Variants in SRBD1 observed in about 807,000 individuals in gnomAD.
The protein encoded by SRBD1 is S1 RNA binding domain 1.
Under a neutral mutation model 115.3 loss-of-function variants are expected in SRBD1, and 88 were observed. The observed-to-expected ratio is 0.76, with a 90% CI of 0.64 to 0.91. The LOEUF is 0.91. Among genes scored for constraint, SRBD1 ranks in the 40% least tolerant of loss-of-function variants. SRBD1 has a pLI of 0.00. For missense variants in SRBD1, 1,385 were observed against 1,177.4 expected, an observed-to-expected ratio of 1.18 and a Z score of -2.58; for synonymous variants, 509 against 407.7, an observed-to-expected ratio of 1.25 and a Z score of -2.99.
intron 14 of SRBD1, among the ~76,000 whole-genome samples, chr2:45,496,490 TA>T (rs1670463275): frequency 6.6e-6 from 1 of 151,640 alleles, no homozygotes; most frequent in Non-Finnish European, 1.5e-5. Context: ...TAATAATAAT[TA>T]AAAAGAGAAA....
intron 14 of SRBD1, among the ~76,000 whole-genome samples, chr2:45,505,842 T>C (rs1328601402): frequency 6.6e-6 from 1 of 152,224 alleles, no homozygotes; most frequent in African/African-American, 2.4e-5. Flanking sequence ...ACCTGATCTC[T>C]GGACTGTTAG....
At chr2:45,464,918 A>G (rs917020671) in intron 16 of SRBD1, among the ~76,000 whole-genome samples, 2 of 152,176 alleles carry the variant, frequency 1.3e-5, no homozygotes, top group African/African-American at 4.8e-5. Context: ...TTTTACCGAC[A>G]TCTTTAAACA....
intron 6 of SRBD1, among the ~76,000 whole-genome samples, chr2:45,581,272 T>C (rs1337020604): frequency 6.6e-6 from 1 of 152,140 alleles, no homozygotes; most frequent in Admixed American, 6.5e-5. Context: ...ACATCCTCCA[T>C]CCACACTTCA....
intron 14 of SRBD1, among the ~76,000 whole-genome samples, chr2:45,533,822 G>A (rs887043217): frequency 4.6e-5 from 7 of 152,104 alleles, no homozygotes; most frequent in Non-Finnish European, 1.0e-4. Flanking sequence ...GTCTAAACAG[G>A]ACATCTGTTT....
chr2:45,590,791 C>A (rs1350395321), intron 4 of SRBD1, among the ~76,000 whole-genome samples: 1 of 152,028 alleles, frequency 6.6e-6, no homozygotes, highest in Non-Finnish European at 1.5e-5. Context: ...CCGAGGCGTG[C>A]GGATAACCTG....
At chr2:45,531,295 G>C (rs1181417925) in intron 14 of SRBD1, among the ~76,000 whole-genome samples, 1 of 151,532 alleles carries the variant, frequency 6.6e-6, no homozygotes, top group African/African-American at 2.4e-5. Context: ...AAGATAAGCA[G>C]GTAAGTGAAA....
intron 16 of SRBD1, among the ~76,000 whole-genome samples, chr2:45,435,573 CAA>C (rs11358109): frequency 1.3e-4 from 18 of 142,542 alleles, no homozygotes; most frequent in Admixed American, 2.8e-4. Flanking sequence ...AAAAAAAAAA[CAA>C]AAAAAAAAAA....
chr2:45,491,733 A>C (rs1402660995), intron 14 of SRBD1, among the ~76,000 whole-genome samples: 1 of 152,252 alleles, frequency 6.6e-6, no homozygotes, highest in Non-Finnish European at 1.5e-5. Context: ...CTTATAAAGT[A>C]AAAAGCAAGT....
At chr2:45,515,518 A>G (rs1389245634) in intron 14 of SRBD1, among the ~76,000 whole-genome samples, 1 of 152,182 alleles carries the variant, frequency 6.6e-6, no homozygotes, top group Non-Finnish European at 1.5e-5. Flanking sequence ...GAAAGATTCA[A>G]AAACTTGCCC....
Position 45,574,755 on chromosome 2 carries a change from AC to A in SRBD1, c.1073-33del, listed in dbSNP as rs760007815. On this transcript the variant is annotated intron_variant, in intron 7 of 20. Coordinates refer to ENST00000263736, the MANE Select transcript of SRBD1 (RefSeq NM_018079.5). ...GAGAAGGGTAAAAAGGAAAACAAAA[AC>A]AAAAAGTATACGATTGGTTTTAAAT... 4 of 1,549,700 alleles carry A rather than the reference AC, an allele frequency of 2.6e-6. No homozygotes were observed. The South Asian group carries it at 4.7e-5, about 18-fold the overall frequency.
intron 16 of SRBD1, among the ~76,000 whole-genome samples, chr2:45,456,255 A>T (rs1423631998): frequency 6.6e-6 from 1 of 151,892 alleles, no homozygotes; most frequent in East Asian, 1.9e-4. Context: ...ACGGCAATCA[A>T]TATATTCTAT....
At chr2:45,404,072 T>C (rs1327620506) in intron 19 of SRBD1, among the ~76,000 whole-genome samples, 4 of 152,064 alleles carry the variant, frequency 2.6e-5, no homozygotes, top group African/African-American at 4.8e-5. Context: ...GGTAAGAAAT[T>C]AGTAAATGCC....
At chr2:45,466,370 A>AG (rs1669491449) in intron 16 of SRBD1, among the ~76,000 whole-genome samples, 1 of 152,096 alleles carries the variant, frequency 6.6e-6, no homozygotes, top group South Asian at 2.1e-4. Context: ...TCAGGCAACC[A>AG]GCTGCCTCCC....
intron 11 of SRBD1, among the ~76,000 whole-genome samples, chr2:45,553,229 T>A (rs1277884826): frequency 1.3e-5 from 2 of 152,188 alleles, no homozygotes; most frequent in Admixed American, 1.3e-4. Flanking sequence ...ATATTTATCA[T>A]TGCTGATAAT....
intron 19 of SRBD1, among the ~76,000 whole-genome samples, chr2:45,395,252 C>T (rs1283525574): frequency 5.9e-5 from 9 of 152,126 alleles, no homozygotes; most frequent in African/African-American, 1.2e-4. Context: ...TATACTAATG[C>T]GCTGTAAGTC....
At position 45,490,036 on chromosome 2, in the gene SRBD1, G is replaced by A. The variant is rs142618837; in HGVS notation, c.1875-1705C>T. ...TTGAGGACATACAGGAGTCAAATAC[G>A]TTCCATAACTTCAGAGACCAGCTTC... On this transcript the variant is annotated intron_variant, in intron 14 of 20. Coordinates refer to ENST00000263736, the MANE Select transcript of SRBD1 (RefSeq NM_018079.5). Among the ~76,000 whole-genome samples the A allele has an allele frequency of 3.7e-3, 563 of 152,142 alleles. 5 individuals are homozygous for A. Among genetic ancestry groups the A allele is most frequent in the African/African-American group, 0.013 (527 of 41,512 alleles).
chr2:45,558,367 C>T lies in SRBD1; in HGVS notation c.1409+4286G>A, dbSNP rs74586155. Among the ~76,000 whole-genome samples, 159 of 152,256 alleles carry T rather than the reference C, an allele frequency of 1.0e-3. 3 individuals carry two copies. The East Asian group carries it at 0.028, about 27-fold the overall frequency. On this transcript the variant is annotated intron_variant, in intron 10 of 20. Transcript: ENST00000263736. ...TACGTTTTTATTTAGAGAGCAAATG[C>T]AGAAACTTAAATTACTGAGGTTCTC...
chr2:45,597,363 T>C (rs939660646), intron 4 of SRBD1, among the ~76,000 whole-genome samples: 1 of 149,948 alleles, frequency 6.7e-6, no homozygotes, highest in African/African-American at 2.5e-5. Context: ...GAGGTTGCAG[T>C]GAGCCAAGAT....
intron 19 of SRBD1, among the ~76,000 whole-genome samples, chr2:45,412,562 G>T (rs376083459): frequency 3.7e-4 from 57 of 152,008 alleles, no homozygotes; most frequent in Admixed American, 1.4e-3. Context: ...CACTGTTTTT[G>T]AACTAATTAA....
Sources: gnomAD v4.1 joint callset for allele counts (sites outside exome capture counted in the v4.1 genomes callset) on GRCh38, gnomAD v4.1.1 for gene constraint, MANE v1.5 for transcripts, NCBI Gene and HGNC (gene_info 2026-07-23, HGNC 2026-07-21) for gene names.